CHRNB4: variants seen among roughly 807,000 people sequenced by gnomAD.
The protein encoded by CHRNB4 is cholinergic receptor nicotinic beta 4 subunit, also known as neuronal acetylcholine receptor subunit beta-4.
CHRNB4 carries 23 observed loss-of-function variants against 40.4 expected under a neutral mutation model. That is an observed-to-expected ratio of 0.57 (90% CI 0.41 to 0.81). The LOEUF (loss-of-function observed/expected upper bound fraction) is 0.81, where lower values mean the gene tolerates loss of function less well. CHRNB4 is among the 30% of genes least tolerant of loss of function. CHRNB4 has a pLI of 0.00. For synonymous variants in CHRNB4, 285 were observed against 274.4 expected (o/e 1.04, Z -0.38); for missense variants, 568 against 670.6 (o/e 0.85, Z 1.69).
At position 78,651,284 on chromosome 15, in the gene CHRNB4, C is replaced by G. The variant is rs544238374; in HGVS notation, c.-16+1294G>C. ...CAAAAAGCAAGCGGCCAAAAGCAAG[C>G]AGGGTGGCAGGCAGACCTGATCAAA... On this transcript the variant is annotated intron_variant and NMD_transcript_variant, in intron 6 of 11. Transcript: ENST00000559849. Among the ~76,000 whole-genome samples the G allele has an allele frequency of 9.2e-5, 14 of 152,296 alleles. No individual in the cohort carries two copies. The East Asian group carries it at 1.5e-3, about 17-fold the overall frequency.
At chr15:78,651,935 A>G (rs1163920172) in intron 6 of CHRNB4, among the ~76,000 whole-genome samples, 1 of 152,210 alleles carries the variant, frequency 6.6e-6, no homozygotes, top group African/African-American at 2.4e-5. Context: ...TTGGATCCTC[A>G]TCTCTTAGGA....
chr15:78,631,483 C>A, intron 2 of CHRNB4, 151 bp from the exon 3 acceptor site: 1 of 692,936 alleles, frequency 1.4e-6, no homozygotes, highest in Non-Finnish European at 2.5e-6. Context: ...ATGTCACACT[C>A]AGCATGTTTG....
rs71534208 is a variant in CHRNB4 at position 78,629,623 on chromosome 15, T to G, written c.682A>C (p.Ile228Leu). 1 of 1,614,070 alleles carries G rather than the reference T, an allele frequency of 6.2e-7. No individual in the cohort carries two copies. The highest frequency in any genetic ancestry group is 8.5e-7 in the Non-Finnish European group (1 of 1,180,010). Residue 228 changes from isoleucine to leucine, a missense_variant, in exon 5 of 6, where the codon ATC (isoleucine) becomes CTC (leucine). By Grantham distance (5) the Ile-to-Leu change is conservative (BLOSUM62 2). This residue lies in a region of CHRNB4 where 127 missense variants were observed against 167.4 expected (regional missense o/e 0.76). Transcript: ENST00000261751. The surrounding 1 kb of genome is among the most constrained non-coding windows in gnomAD (Gnocchi z 6.8). ...GTGTAGAACAGAGGCTTGCGCTTGATGATGAAGTCGTAAGTCACGTCCACG... is the reference window on the plus strand; with the variant it reads ...GTGTAGAACAGAGGCTTGCGCTTGAGGATGAAGTCGTAAGTCACGTCCACG... Reference protein sequence around the residue: ...SYVDVTYDFIIKRKPLFYTIN... With the variant: ...SYVDVTYDFILKRKPLFYTIN...
chr15:78,661,218 G>A (rs1288399429), upstream of CHRNB4: 3 of 609,724 alleles, frequency 4.9e-6, no homozygotes, highest in African/African-American at 1.8e-5. Flanking sequence ...TGCCCTTGGG[G>A]GAGTCCAGGG....
intron 1 of CHRNB4, among the ~76,000 whole-genome samples, chr15:78,640,793 C>T (rs2054053992): frequency 6.6e-6 from 1 of 152,228 alleles, no homozygotes; most frequent in Non-Finnish European, 1.5e-5. Context: ...GTCATCCAGC[C>T]CACTGCCCAG....
chr15:78,634,339 A>G (rs1360899229), intron 2 of CHRNB4, among the ~76,000 whole-genome samples: 4 of 152,154 alleles, frequency 2.6e-5, no homozygotes, highest in East Asian at 3.9e-4. Flanking sequence ...GCTGGGTTCA[A>G]CTCATTAAGC....
chr15:78,635,621 T>C (rs758256082), intron 1 of CHRNB4, 34 bp from the exon 2 acceptor site: 88 of 1,611,428 alleles, frequency 5.5e-5, no homozygotes, highest in Non-Finnish European at 7.3e-5. Context: ...TGCTGGGCCC[T>C]TGTGCACCTG....
At chr15:78,627,224 A>G (rs1375182234) in intron 5 of CHRNB4, 1 of 152,220 alleles carries the variant, frequency 6.6e-6, no homozygotes, top group Non-Finnish European at 1.5e-5. Context: ...ACGTTTTAGA[A>G]AGTGAAATCT....
chr15:78,625,501 C>T (rs770752492), intron 5 of CHRNB4, among the ~76,000 whole-genome samples: 46 of 152,178 alleles, frequency 3.0e-4, no homozygotes, highest in Non-Finnish European at 4.4e-4. Flanking sequence ...CCTGCCTGTC[C>T]CCCACAGCGT....
At position 78,641,042 on chromosome 15, in the gene CHRNB4, C is replaced by T. The variant is rs1425742025; in HGVS notation, c.55+37G>A. The stretch of plus-strand genomic sequence containing the variant: ...CCAGTCCAGCCCCTTTCAGCCCAAC[C>T]CAGGCGCCCCTCCCTCCTTCCCCGA... On this transcript the variant is annotated intron_variant, in intron 1 of 5. Coordinates refer to ENST00000261751, the MANE Select transcript of CHRNB4 (RefSeq NM_000750.5). 3.2e-6 allele frequency: 5 copies of T among 1,552,280 alleles called. No homozygotes were observed. In the South Asian group the frequency reaches 3.6e-5, roughly 11 times the overall value.
In CHRNB4 at chr15:78,624,581, A is replaced by G; in HGVS notation, c.*552T>C. 5.9e-6 allele frequency: 1 copy of G among 170,334 alleles called. No homozygotes were observed. Among genetic ancestry groups the G allele is most frequent in the Non-Finnish European group, 1.2e-5 (1 of 80,478 alleles). The allele number at this position is 170,334 out of a possible 1,614,324, so 10.6% of individuals were successfully genotyped here. ...GGAGTTCGAAATCAGCCTGGCCAAC[A>G]AAAATACAAAAATTAGCTGGGCACG... On this transcript the variant is annotated 3_prime_UTR_variant, in exon 6 of 6. Transcript: ENST00000261751.
In CHRNB4 at chr15:78,629,814, T is replaced by C; in HGVS notation, c.491A>G (p.Gln164Arg). The part of the protein sequence containing the change: ...KIEVKYFPFD[Q>R]QNCTLKFRSW... ...GCGGAACTTGAGGGTGCAGTTCTGC[T>C]GGTCGAAGGGAAAGTACTTCACCTC... The change falls in exon 5 of 6, where the codon CAG becomes CGG. Residue 164 changes from glutamine to arginine, a missense_variant. By Grantham distance (43) the Gln-to-Arg change is conservative. Transcript: ENST00000261751. This position sits in a 1 kb window ranked among gnomAD's most constrained non-coding sequence, Gnocchi z 6.8. 1 of 1,614,146 alleles carries C rather than the reference T, an allele frequency of 6.2e-7. No homozygotes were observed. The highest frequency in any genetic ancestry group is 1.3e-5 in the African/African-American group (1 of 75,042).
At chr15:78,650,664 G>A (rs2054164510) in intron 6 of CHRNB4, among the ~76,000 whole-genome samples, 1 of 152,248 alleles carries the variant, frequency 6.6e-6, no homozygotes, top group Non-Finnish European at 1.5e-5. Context: ...GCTGTCTGAA[G>A]GTGGCCGTGG....
chr15:78,633,326 G>A (rs750299602), intron 2 of CHRNB4, among the ~76,000 whole-genome samples: 15 of 152,214 alleles, frequency 9.9e-5, no homozygotes, highest in Non-Finnish European at 2.1e-4. Flanking sequence ...TCCCTCTCAT[G>A]TTAACACTTT....
chr15:78,630,865 G>T, intron 4 of CHRNB4: 2 of 563,816 alleles, frequency 3.5e-6, no homozygotes, highest in Non-Finnish European at 3.2e-6. Context: ...AATCAGACAA[G>T]GTCCCTCCCC....
chr15:78,642,078 G>A (rs2054083625), upstream of CHRNB4, among the ~76,000 whole-genome samples: 2 of 152,178 alleles, frequency 1.3e-5, no homozygotes, highest in Admixed American at 1.3e-4. Context: ...CAGGAAGGGC[G>A]GGGTCTAAGG....
At position 78,635,529 on chromosome 15, in the gene CHRNB4, G is replaced by C; in HGVS notation, c.114C>G (p.Thr38=). Residue 38 remains threonine, a synonymous_variant, in exon 2 of 6, where the codon ACC becomes ACG. Coordinates refer to ENST00000261751, the MANE Select transcript of CHRNB4 (RefSeq NM_000750.5). ...CTGGGCGGATCAGGTTATTGTAACG[G>C]GTTTTGTTCAGAAGGTCGTCCATCA... ...EKLMDDLLNK[T]RYNNLIRPAT... is the part of the protein sequence containing the mutation. 6.2e-7 allele frequency: 1 copy of C among 1,614,182 alleles called. No individual in the cohort carries two copies. The highest frequency in any genetic ancestry group is 1.1e-5 in the South Asian group (1 of 91,072).
At chr15:78,633,969 A>G (rs2053892081) in intron 2 of CHRNB4, among the ~76,000 whole-genome samples, 1 of 152,082 alleles carries the variant, frequency 6.6e-6, no homozygotes. Flanking sequence ...CTGGCTCACC[A>G]GACTCTGGAG....
intron 7 of CHRNB4, among the ~76,000 whole-genome samples, chr15:78,648,777 A>AAGGG (rs2054148228): frequency 2.7e-5 from 4 of 146,158 alleles, no homozygotes; most frequent in East Asian, 4.0e-4. Flanking sequence ...AAAAAAAAGT[A>AAGGG]GATATCTTAT....
Sources: allele counts gnomAD v4.1 joint callset (sites outside exome capture counted in the v4.1 genomes callset), GRCh38; gene constraint gnomAD v4.1.1; regional missense constraint gnomAD v4.1.1; non-coding constraint Gnocchi (gnomAD v3.1); transcripts MANE v1.5; gene names NCBI Gene and HGNC (gene_info 2026-07-23, HGNC 2026-07-21).